Variants in CECR2 observed in about 807,000 individuals in gnomAD.
CECR2 encodes the protein chromatin remodeling regulator CECR2.
CECR2 carries 30 observed loss-of-function variants against 154.5 expected under a neutral mutation model. The ratio of observed to expected loss-of-function variants is 0.19; its 90% CI spans 0.15 to 0.26. CECR2 has a LOEUF of 0.26. Ranked by LOEUF, CECR2 falls within the 10% of genes least tolerant of loss-of-function variation. The probability of loss-of-function intolerance (pLI) is 1.00; values close to 1 mark genes in which losing one functional copy is unlikely to be tolerated. For synonymous variants in CECR2, 725 were observed against 683.7 expected, an observed-to-expected ratio of 1.06 and a Z score of -0.94; for missense variants, 1,743 against 1,829.3, an observed-to-expected ratio of 0.95 and a Z score of 0.86.
intron 1 of CECR2, among the ~76,000 whole-genome samples, chr22:17,438,984 T>C (rs191449356): frequency 8.5e-5 from 13 of 152,252 alleles, no homozygotes. Flanking sequence ...GAGACCAGCC[T>C]GGGCAACAGA....
At chr22:17,511,454 C>A (rs980051174) in intron 7 of CECR2, among the ~76,000 whole-genome samples, 22 of 152,164 alleles carry the variant, frequency 1.4e-4, no homozygotes, top group Non-Finnish European at 2.9e-4. Context: ...ATGCCCCCTC[C>A]CAGAGCCGCC....
chr22:17,377,673 C>G (rs1285679475), intron 1 of CECR2, among the ~76,000 whole-genome samples: 1 of 152,304 alleles, frequency 6.6e-6, no homozygotes, highest in East Asian at 1.9e-4. Context: ...GCTATTATAA[C>G]CTTTTCAGAT....
chr22:17,529,349 T>C (rs73391410), intron 9 of CECR2, among the ~76,000 whole-genome samples: 5,377 of 151,838 alleles, frequency 0.035, 295 homozygotes, highest in African/African-American at 0.12. Flanking sequence ...TGGGCATGAA[T>C]TGAGTCCTAC....
chr22:17,390,032 A>AAT (rs1441231439), intron 1 of CECR2, among the ~76,000 whole-genome samples: 7 of 152,186 alleles, frequency 4.6e-5, no homozygotes, highest in African/African-American at 1.7e-4. Flanking sequence ...TTGAGCCAAT[A>AAT]ATATATATAA....
chr22:17,524,961 C>T, intron 9 of CECR2: 1 of 284,558 alleles, frequency 3.5e-6, no homozygotes, highest in South Asian at 2.7e-5. Context: ...GCCACTGTGC[C>T]TGCCCACATT....
intron 1 of CECR2, among the ~76,000 whole-genome samples, chr22:17,473,500 A>G (rs1318024752): frequency 6.6e-6 from 1 of 152,236 alleles, no homozygotes. Context: ...TTATTGGCAC[A>G]TGAACACAGC....
In CECR2 at chr22:17,540,592, A is replaced by G; in HGVS notation, c.1676A>G (p.Asp559Gly). 6.2e-7 allele frequency: 1 copy of G among 1,613,502 alleles called. No homozygotes were observed. The change falls in exon 14 of 19, where the codon GAC becomes GGC. Residue 559 changes from aspartate (D) to glycine (G), a missense_variant. Asp to Gly is a moderately conservative substitution (Grantham distance 94). Around this residue, in one of 4 missense-constraint regions of CECR2, gnomAD observed 1,250 missense variants for 1,192.1 expected, o/e 1.05. Coordinates refer to ENST00000262608, the MANE Select transcript of CECR2 (RefSeq NM_001290047.2). ...GGSHVWTRSRDPEGSSRKQQP... is the reference protein window; with the variant it reads ...GGSHVWTRSRGPEGSSRKQQP... The stretch of plus-strand genomic sequence containing the variant: ...AGCCATGTTTGGACCCGCTCCAGGG[A>G]CCCAGAAGGGTCCAGCAGGAAACAG...
rs568030540 is a variant in CECR2, at chr22:17,548,810, C to T, written c.3523C>T (p.Arg1175Trp). 35 of 1,613,730 alleles carry T rather than the reference C, an allele frequency of 2.2e-5. No homozygotes were observed. Among genetic ancestry groups the T allele is most frequent in the South Asian group, 1.1e-4 (10 of 91,078 alleles). ...CCACCCACATTCTGGAGGCTTTCCC[C>T]GGTATCGCCCCCCACAAGGAATGAG... is the stretch of plus-strand genomic sequence containing the variant. ...SNHPHSGGFP[R>W]YRPPQGMRYS... The change falls in exon 17 of 19, where the codon CGG becomes TGG. Residue 1175 changes from arginine to tryptophan, a missense_variant. Arg to Trp is a moderately radical substitution (Grantham distance 101). This residue lies in a region of CECR2 where 1,250 missense variants were observed against 1,192.1 expected (regional missense o/e 1.05). Coordinates refer to ENST00000262608, the MANE Select transcript of CECR2 (RefSeq NM_001290047.2).
intron 1 of CECR2, among the ~76,000 whole-genome samples, chr22:17,411,251 C>T (rs1008940916): frequency 2.6e-5 from 4 of 152,174 alleles, no homozygotes; most frequent in African/African-American, 9.7e-5. Flanking sequence ...ATATTTCTAC[C>T]TGCCTTATGG....
intron 2 of CECR2, among the ~76,000 whole-genome samples, chr22:17,482,115 CAAAAAAAAAAAAAAAAA>C (rs869050391): frequency 4.1e-4 from 31 of 76,312 alleles, no homozygotes; most frequent in Non-Finnish European, 7.3e-4. Flanking sequence ...ACTCTGTCTC[CAAAAAAAAAAAAAAAAA>C]AAAAAAAAAG....
intron 2 of CECR2, among the ~76,000 whole-genome samples, chr22:17,487,344 G>A (rs2055439210): frequency 6.6e-6 from 1 of 152,192 alleles, no homozygotes; most frequent in Non-Finnish European, 1.5e-5. Flanking sequence ...GCTCTTCACT[G>A]TCAAAGTAAA....
intron 8 of CECR2, among the ~76,000 whole-genome samples, chr22:17,520,948 A>G (rs920743454): frequency 6.6e-6 from 1 of 152,154 alleles, no homozygotes; most frequent in African/African-American, 2.4e-5. Context: ...TCCTTTGGGT[A>G]TATACCCAGT....
At chr22:17,478,615 A>G (rs1039763162) in intron 2 of CECR2, among the ~76,000 whole-genome samples, 6 of 152,168 alleles carry the variant, frequency 3.9e-5, no homozygotes, top group African/African-American at 1.2e-4. Context: ...TCGACCTCAC[A>G]AAGTGCTGGG....
intron 16 of CECR2, among the ~76,000 whole-genome samples, chr22:17,545,043 A>G (rs1324700005): frequency 1.3e-5 from 2 of 152,044 alleles, no homozygotes; most frequent in Non-Finnish European, 2.9e-5. Context: ...AAGAATGGCC[A>G]ATAGTGAGAT....
At chr22:17,477,233 A>C (rs1397023411) in intron 1 of CECR2, 1 of 681,832 alleles carries the variant, frequency 1.5e-6, no homozygotes, top group African/African-American at 1.8e-5. Context: ...TTAAAATAGC[A>C]GTACAGCACA....
chr22:17,497,005 T>C (rs1238333920), intron 2 of CECR2, among the ~76,000 whole-genome samples: 1 of 152,282 alleles, frequency 6.6e-6, no homozygotes, highest in East Asian at 1.9e-4. Context: ...GTAAAATTTG[T>C]CAACTGGGCC....
chr22:17,478,591 G>A (rs1485345679), intron 2 of CECR2, among the ~76,000 whole-genome samples: 6 of 152,074 alleles, frequency 3.9e-5, no homozygotes, highest in South Asian at 2.1e-4. Flanking sequence ...TCCCGACCTC[G>A]TGATCTGCCC....
chr22:17,433,688 C>A (rs1328545790), intron 1 of CECR2, among the ~76,000 whole-genome samples: 3 of 152,118 alleles, frequency 2.0e-5, no homozygotes, highest in Admixed American at 6.6e-5. Context: ...CTCAAGCGAT[C>A]CACCCACCTC....
intron 2 of CECR2, among the ~76,000 whole-genome samples, chr22:17,480,728 TC>T (rs554379083): frequency 0.011 from 1,688 of 152,234 alleles, 13 homozygotes; most frequent in South Asian, 0.028. Flanking sequence ...ACTAAACTGT[TC>T]TATGCAGCTT....
Sources: gnomAD v4.1 joint callset for allele counts (sites outside exome capture counted in the v4.1 genomes callset) on GRCh38, gnomAD v4.1.1 for gene constraint, gnomAD v4.1.1 regional missense constraint, MANE v1.5 for transcripts, NCBI Gene and HGNC (gene_info 2026-07-23, HGNC 2026-07-21) for gene names.